Variants in POU6F2 observed in about 807,000 individuals in gnomAD.
POU6F2 encodes POU class 6 homeobox 2.
In POU6F2, 31 loss-of-function variants were observed where a neutral mutation model predicts 71.3. The observed-to-expected ratio is 0.43, with a 90% CI of 0.33 to 0.59. The LOEUF is 0.59. Among genes scored for constraint, POU6F2 ranks in the 20% least tolerant of loss-of-function variants. POU6F2 has a pLI of 0.04. For missense variants in POU6F2, 783 were observed against 856.8 expected (o/e 0.91, Z 1.07); for synonymous variants, 347 against 355.7 (o/e 0.98, Z 0.27).
intron 1 of POU6F2, among the ~76,000 whole-genome samples, chr7:39,044,156 A>T (rs1304191707): frequency 2.0e-5 from 3 of 151,942 alleles, no homozygotes; most frequent in Non-Finnish European, 4.4e-5. Flanking sequence ...CCTGGAAGTG[A>T]AGAAAGAATG....
intron 2 of POU6F2, among the ~76,000 whole-genome samples, chr7:39,087,066 CAAA>C (rs141947774): frequency 0.022 from 2,665 of 121,694 alleles, 73 homozygotes; most frequent in African/African-American, 0.077. Context: ...ACCTGAACTT[CAAA>C]AAAAAAAAAA....
chr7:39,056,021 A>T (rs999532231), intron 1 of POU6F2, among the ~76,000 whole-genome samples: 2 of 150,526 alleles, frequency 1.3e-5, no homozygotes, highest in Non-Finnish European at 3.0e-5. Flanking sequence ...TAAAAAAAAA[A>T]GCCATTTGGT....
At chr7:38,998,843 T>A (rs577203455) in intron 1 of POU6F2, among the ~76,000 whole-genome samples, 1 of 143,486 alleles carries the variant, frequency 7.0e-6, no homozygotes, top group Non-Finnish European at 1.6e-5. Context: ...TTTTTTTATT[T>A]TCAGTAGAGA....
chr7:38,994,641 G>T lies in POU6F2; in HGVS notation c.105+16583G>T, dbSNP rs562189907. On this transcript the variant is annotated intron_variant, in intron 1 of 9. Coordinates refer to ENST00000518318, the MANE Select transcript of POU6F2 (RefSeq NM_001370959.1). ...TCAGTGACACTCTGAATAAAGAAGA[G>T]TTGTGTGGTCAGAGAATCCAGCTGG... 1.4e-4 allele frequency among the ~76,000 whole-genome samples: 22 copies of T among 152,128 alleles called. No individual in the cohort carries two copies. The South Asian group carries it at 1.5e-3, about 10-fold the overall frequency.
At position 39,339,736 on chromosome 7, in the gene POU6F2, C is replaced by G. The variant is rs540152147; in HGVS notation, c.693C>G (p.Asn231Lys). The G allele has an allele frequency of 6.2e-7, 1 of 1,604,202 alleles. No homozygotes were observed. The highest frequency in any genetic ancestry group is 1.3e-5 in the African/African-American group (1 of 74,752). Residue 231 changes from asparagine (N) to lysine (K), a missense_variant, in exon 5 of 10, where the codon AAC becomes AAG. Physicochemically the swap from Asn to Lys is moderately conservative, Grantham distance 94. This residue lies in a region of POU6F2 where 572 missense variants were observed against 572.9 expected (regional missense o/e 1.00). Coordinates refer to ENST00000518318, the MANE Select transcript of POU6F2 (RefSeq NM_001370959.1). ...AGCAGCAGCCTCCCCCGTCAACCAA[C>G]CAGCACCCGCAACCAGCCCCACAGG... ...QQQQQPPPST[N>K]QHPQPAPQAP...
At chr7:39,204,872 G>A (rs2128745473) in intron 3 of POU6F2, among the ~76,000 whole-genome samples, 1 of 149,762 alleles carries the variant, frequency 6.7e-6, no homozygotes, top group East Asian at 2.0e-4. Flanking sequence ...GCTATATGGA[G>A]ATGTAGAACA....
intron 1 of POU6F2, among the ~76,000 whole-genome samples, chr7:39,019,658 T>C (rs1485553947): frequency 6.6e-6 from 1 of 151,646 alleles, no homozygotes; most frequent in Non-Finnish European, 1.5e-5. Context: ...TCTTTTTTTT[T>C]TTTTTTAAGA....
chr7:39,313,215 C>T (rs1785201572), intron 4 of POU6F2, among the ~76,000 whole-genome samples: 1 of 152,164 alleles, frequency 6.6e-6, no homozygotes, highest in Non-Finnish European at 1.5e-5. Context: ...TTCCCTCCTC[C>T]TGATCCCCAG....
chr7:39,031,058 G>A (rs571096414), intron 1 of POU6F2, among the ~76,000 whole-genome samples: 15 of 151,942 alleles, frequency 9.9e-5, no homozygotes, highest in African/African-American at 3.6e-4. Context: ...CCACCACCGC[G>A]TCTGGCTAAT....
At chr7:39,229,809 G>A (rs1463305805) in intron 4 of POU6F2, among the ~76,000 whole-genome samples, 41 of 152,130 alleles carry the variant, frequency 2.7e-4, no homozygotes, top group Admixed American at 2.7e-3. Flanking sequence ...TGTAATCCTG[G>A]ACATTGGGAT....
chr7:39,252,775 T>A, intron 4 of POU6F2, among the ~76,000 whole-genome samples: 1 of 152,172 alleles, frequency 6.6e-6, no homozygotes, highest in Non-Finnish European at 1.5e-5. Context: ...AGAGGTCCGC[T>A]CATGGCATCT....
In POU6F2 at chr7:39,153,009, T is replaced by A. The variant is rs75509716; in HGVS notation, c.278-51226T>A. ...GGTAAGAAAACACACAGAGTTATGCTCGCTTACGCTTACTCAAGTGAGGTC... is the reference window on the plus strand; with the variant it reads ...GGTAAGAAAACACACAGAGTTATGCACGCTTACGCTTACTCAAGTGAGGTC... On this transcript the variant is annotated intron_variant, in intron 2 of 9. Transcript: ENST00000518318. 4.6e-3 allele frequency among the ~76,000 whole-genome samples: 694 copies of A among 152,256 alleles called. 8 individuals carry two copies. Among genetic ancestry groups the A allele is most frequent in the African/African-American group, 0.016 (666 of 41,530 alleles).
intron 1 of POU6F2, among the ~76,000 whole-genome samples, chr7:39,018,878 A>T (rs144148819): frequency 2.3e-3 from 346 of 152,260 alleles, no homozygotes; most frequent in African/African-American, 8.0e-3. Context: ...AAGAAGGTTC[A>T]GTTCTTTTAC....
chr7:39,457,176 G>C lies in POU6F2; in HGVS notation c.1490-3371G>C, dbSNP rs528719672. Among the ~76,000 whole-genome samples the C allele has an allele frequency of 7.2e-5, 11 of 152,330 alleles. No individual in the cohort carries two copies. In the South Asian group the frequency reaches 1.7e-3, roughly 23 times the overall value. ...CGGCAGAGGAAGGGAAGAAAGATTA[G>C]AGGACACATTTACATAAAATGTCAG... On this transcript the variant is annotated intron_variant, in intron 8 of 9. Coordinates refer to ENST00000518318, the MANE Select transcript of POU6F2 (RefSeq NM_001370959.1).
At chr7:39,080,550 A>G (rs956749674) in intron 1 of POU6F2, among the ~76,000 whole-genome samples, 4 of 152,118 alleles carry the variant, frequency 2.6e-5, no homozygotes, top group Non-Finnish European at 5.9e-5. Flanking sequence ...AATGAATGCA[A>G]TTTTTCTATT....
intron 2 of POU6F2, among the ~76,000 whole-genome samples, chr7:39,134,200 TTA>T (rs1247454835): frequency 6.6e-6 from 1 of 152,212 alleles, no homozygotes; most frequent in Admixed American, 6.5e-5. Context: ...ATTATTTTTC[TTA>T]TGTTACAGTG....
chr7:39,146,079 G>T (rs1199529262), intron 2 of POU6F2, among the ~76,000 whole-genome samples: 1 of 152,222 alleles, frequency 6.6e-6, no homozygotes, highest in Non-Finnish European at 1.5e-5. Context: ...GTCTAAGGGA[G>T]AAACAAATGC....
In POU6F2 at chr7:39,248,654, C is replaced by G. The variant is rs536735303; in HGVS notation, c.598+41034C>G. Among the ~76,000 whole-genome samples, 87 of 152,260 alleles carry G rather than the reference C, an allele frequency of 5.7e-4. 2 individuals are homozygous for G. In the South Asian group the frequency reaches 0.018, roughly 32 times the overall value. On this transcript the variant is annotated intron_variant, in intron 4 of 9. Transcript: ENST00000518318. ...TATGTGCCACATCCATATTTAAATCCTTATCATCAGAATAACCATTGTGCT... is the reference window on the plus strand; with the variant it reads ...TATGTGCCACATCCATATTTAAATCGTTATCATCAGAATAACCATTGTGCT...
chr7:39,455,990 C>T (rs1788793396), intron 8 of POU6F2, among the ~76,000 whole-genome samples: 1 of 152,158 alleles, frequency 6.6e-6, no homozygotes, highest in Non-Finnish European at 1.5e-5. Context: ...CAGTTAATTC[C>T]TCTATAAGTT....
Sources: allele counts gnomAD v4.1 joint callset (sites outside exome capture counted in the v4.1 genomes callset), GRCh38; gene constraint gnomAD v4.1.1; regional missense constraint gnomAD v4.1.1; transcripts MANE v1.5; gene names NCBI Gene and HGNC (gene_info 2026-07-23, HGNC 2026-07-21).